Variants in FLT3 observed in about 807,000 individuals in gnomAD.
FLT3 encodes fms related receptor tyrosine kinase 3, also known as receptor-type tyrosine-protein kinase FLT3.
In FLT3, 46 loss-of-function variants were observed where a neutral mutation model predicts 126.6. The observed-to-expected ratio is 0.36, with a 90% CI of 0.29 to 0.46. The LOEUF (loss-of-function observed/expected upper bound fraction) is 0.46, where lower values mean the gene tolerates loss of function less well. FLT3 is among the 20% of genes least tolerant of loss of function. The pLI is 1.00. For synonymous variants in FLT3, 404 were observed against 434.4 expected (o/e 0.93, Z 0.87); for missense variants, 1,069 against 1,190.3 (o/e 0.90, Z 1.50).
intron 1 of FLT3, among the ~76,000 whole-genome samples, chr13:28,094,035 C>T (rs566038712): frequency 1.3e-5 from 2 of 152,222 alleles, no homozygotes; most frequent in East Asian, 3.9e-4. Context: ...AAACACGTGC[C>T]TAACAAGGAG....
At chr13:28,044,723 A>G (rs1431655957) in intron 9 of FLT3, among the ~76,000 whole-genome samples, 1 of 152,194 alleles carries the variant, frequency 6.6e-6, no homozygotes, top group Non-Finnish European at 1.5e-5. Flanking sequence ...GCACATCATT[A>G]GCACAAACAC....
At position 28,087,775 on chromosome 13, in the gene FLT3, TC is replaced by T. The variant is rs146544308; in HGVS notation, c.43+12692del. Reference sequence around the variant, plus strand: ...GTTGCTATGCCGCCAAGTCCACTAATCTTTTCTCCTACAATGTTTAATCTGG... The same window carrying T: ...GTTGCTATGCCGCCAAGTCCACTAATTTTTCTCCTACAATGTTTAATCTGG... On this transcript the variant is annotated intron_variant, in intron 1 of 23. Transcript: ENST00000241453. Among the ~76,000 whole-genome samples the T allele has an allele frequency of 7.4e-3, 1,132 of 152,312 alleles. 7 individuals carry two copies. Among genetic ancestry groups the T allele is most frequent in the Non-Finnish European group, 0.013 (859 of 68,024 alleles).
At chr13:28,068,957 G>C (rs537657720) in intron 2 of FLT3, among the ~76,000 whole-genome samples, 1 of 152,268 alleles carries the variant, frequency 6.6e-6, no homozygotes, top group South Asian at 2.1e-4. Context: ...AAATAGAGGG[G>C]TAGGAATAGC....
intron 12 of FLT3, among the ~76,000 whole-genome samples, chr13:28,034,921 GGTGACAGAGCGAGTCTCC>G: frequency 6.9e-6 from 1 of 144,140 alleles, no homozygotes; most frequent in Non-Finnish European, 1.5e-5. Flanking sequence ...CTGCAGCCTG[GGTGACAGAGCGAGTCTCC>G]ATCTCAAAAA....
Position 28,018,402 on chromosome 13 carries a change from T to C in FLT3, c.2541+65A>G, listed in dbSNP as rs1040006807. 2.0e-5 allele frequency: 31 copies of C among 1,586,584 alleles called. No homozygotes were observed. In the Admixed American group the frequency reaches 4.2e-4, roughly 21 times the overall value. ...AAATGCACCACAGTGAGTGCAGTTG[T>C]TTACCATGATAACGACACAACACAA... On this transcript the variant is annotated intron_variant, in intron 20 of 23. Transcript: ENST00000241453.
intron 1 of FLT3, among the ~76,000 whole-genome samples, chr13:28,099,742 A>C (rs1879698973): frequency 6.6e-6 from 1 of 152,098 alleles, no homozygotes; most frequent in African/African-American, 2.4e-5. Context: ...TTTCAATAAC[A>C]ACTATGCTAC....
intron 23 of FLT3, among the ~76,000 whole-genome samples, chr13:28,011,693 T>TCCCTCCTCCTTC (rs1460836847): frequency 9.8e-6 from 1 of 102,160 alleles, no homozygotes; most frequent in African/African-American, 3.1e-5. Context: ...CCTCCTTCCT[T>TCCCTCCTCCTTC]CCTTTCTTTC....
At chr13:28,047,709 C>T (rs1875014720) in intron 9 of FLT3, among the ~76,000 whole-genome samples, 1 of 15,186 alleles carries the variant, frequency 6.6e-5, no homozygotes, top group African/African-American at 1.1e-4. Context: ...GAGACCTCAT[C>T]TCAAAAAAAA....
intron 9 of FLT3, among the ~76,000 whole-genome samples, chr13:28,041,019 T>A (rs1455916889): frequency 6.6e-6 from 1 of 152,012 alleles, no homozygotes; most frequent in African/African-American, 2.4e-5. Flanking sequence ...TTCTTTTGCT[T>A]TGTTAACAAG....
chr13:28,057,130 C>T (rs1212684445), intron 4 of FLT3, among the ~76,000 whole-genome samples: 2 of 152,206 alleles, frequency 1.3e-5, no homozygotes, highest in African/African-American at 4.8e-5. Flanking sequence ...GCAGCAGTCA[C>T]ATTCTGAGAG....
chr13:28,058,372 T>C (rs1876225477), intron 3 of FLT3, among the ~76,000 whole-genome samples: 1 of 150,948 alleles, frequency 6.6e-6, no homozygotes. Context: ...ATTAGCTGGG[T>C]GGGGTGGCGC....
intron 3 of FLT3, among the ~76,000 whole-genome samples, chr13:28,058,298 T>A (rs1876219704): frequency 6.7e-6 from 1 of 150,078 alleles, no homozygotes; most frequent in Non-Finnish European, 1.5e-5. Flanking sequence ...GTGGATCACC[T>A]GAGGTCGGGA....
Position 28,028,249 on chromosome 13 carries a change from T to C in FLT3, c.1982A>G (p.Glu661Gly). Residue 661 changes from glutamate to glycine, a missense_variant, in exon 16 of 24, where the codon GAA becomes GGA. Coordinates refer to ENST00000241453, the MANE Select transcript of FLT3 (RefSeq NM_004119.3). ...TCCCAGCTGGGTCATCATCTTGAGT[T>C]CTGACATGAGTGCCTCTCTTTCAGA... ...DSSEREALMS[E>G]LKMMTQLGSH... 6.2e-7 allele frequency: 1 copy of C among 1,610,608 alleles called. No individual in the cohort carries two copies. The highest frequency in any genetic ancestry group is 1.1e-5 in the South Asian group (1 of 90,990).
chr13:28,027,025 G>T, intron 17 of FLT3, 63 bp downstream of exon 17: 1 of 1,443,180 alleles, frequency 6.9e-7, no homozygotes, highest in Non-Finnish European at 9.6e-7. Context: ...AAGTGTGTTT[G>T]AACAGCACAC....
chr13:28,097,938 T>C (rs1034115032), intron 1 of FLT3, among the ~76,000 whole-genome samples: 1 of 152,124 alleles, frequency 6.6e-6, no homozygotes, highest in African/African-American at 2.4e-5. Context: ...CAGCAGATAA[T>C]GCAGAAAAGC....
chr13:28,089,202 C>G (rs1206807490), intron 1 of FLT3, among the ~76,000 whole-genome samples: 1 of 152,152 alleles, frequency 6.6e-6, no homozygotes, highest in Non-Finnish European at 1.5e-5. Flanking sequence ...ACTGACAATA[C>G]CACATGCTGA....
chr13:28,072,704 T>G (rs1024643363), intron 1 of FLT3, among the ~76,000 whole-genome samples: 1 of 151,890 alleles, frequency 6.6e-6, no homozygotes. Context: ...CCAAGATCTA[T>G]TCTCTTAACA....
intron 1 of FLT3, among the ~76,000 whole-genome samples, chr13:28,081,161 A>C (rs1878277848): frequency 1.3e-5 from 2 of 152,290 alleles, no homozygotes; most frequent in South Asian, 4.1e-4. Context: ...ATTTCTGCAA[A>C]AAGATCTACA....
At chr13:28,017,665 G>T (rs12561388) in intron 20 of FLT3, among the ~76,000 whole-genome samples, 13 of 135,822 alleles carry the variant, frequency 9.6e-5, no homozygotes, top group South Asian at 2.4e-4. Flanking sequence ...TTTTGTTGTT[G>T]TTTTTTTTTT....
Sources: gnomAD v4.1 joint callset for allele counts (sites outside exome capture counted in the v4.1 genomes callset) on GRCh38, gnomAD v4.1.1 for gene constraint, MANE v1.5 for transcripts, NCBI Gene and HGNC (gene_info 2026-07-23, HGNC 2026-07-21) for gene names.